Variants in EFCAB12 observed in about 807,000 individuals in gnomAD.
The protein encoded by EFCAB12 is EF-hand calcium binding domain 12.
In EFCAB12, 43 loss-of-function variants were observed where a neutral mutation model predicts 53.6. The observed-to-expected ratio is 0.80, with a 90% CI of 0.63 to 1.03. EFCAB12 has a LOEUF of 1.03. EFCAB12 is among the 50% of genes least tolerant of loss of function. The pLI is 0.00. For missense variants in EFCAB12, 646 were observed against 730.6 expected (o/e 0.88, Z 1.34); for synonymous variants, 269 against 289.2 (o/e 0.93, Z 0.71).
chr3:129,421,343 C>T, intron 2 of EFCAB12, 24 bp downstream of exon 2: 1 of 1,582,982 alleles, frequency 6.3e-7, no homozygotes, highest in Middle Eastern at 1.7e-4. Context: ...TTGGTGTCTT[C>T]ATCTGGCAAA....
At chr3:129,421,895 A>T (rs60414131) in intron 1 of EFCAB12, 92 bp from the exon 2 acceptor site, 257,361 of 1,289,764 alleles carry the variant, frequency 0.2, 32,836 homozygotes, top group African/African-American at 0.51. Flanking sequence ...AGGCTGGGCA[A>T]CAGGGCCCTG....
intron 2 of EFCAB12, among the ~76,000 whole-genome samples, chr3:129,420,748 T>C (rs1168952087): frequency 2.6e-5 from 4 of 152,232 alleles, no homozygotes; most frequent in Admixed American, 2.6e-4. Context: ...GATGGAGTCT[T>C]CTTTCCTTCT....
At chr3:129,415,141 G>T in intron 4 of EFCAB12, 104 bp downstream of exon 4, 1 of 1,377,410 alleles carries the variant, frequency 7.3e-7, no homozygotes, top group African/African-American at 1.5e-5. Context: ...CAAAACTGGG[G>T]AACACACTGA....
intron 4 of EFCAB12, chr3:129,412,894 A>G (rs1559787527): frequency 6.6e-6 from 1 of 152,272 alleles, no homozygotes; most frequent in Non-Finnish European, 1.5e-5. Flanking sequence ...GGCACATAGT[A>G]GTTGCTCAAC....
At chr3:129,423,330 T>C (rs891516989) in intron 1 of EFCAB12, among the ~76,000 whole-genome samples, 1 of 152,204 alleles carries the variant, frequency 6.6e-6, no homozygotes, top group Non-Finnish European at 1.5e-5. Flanking sequence ...GGAAGTGTTC[T>C]AAAAAATCAG....
intron 1 of EFCAB12, among the ~76,000 whole-genome samples, chr3:129,424,733 G>A (rs1472150568): frequency 2.0e-5 from 3 of 152,234 alleles, no homozygotes; most frequent in Non-Finnish European, 4.4e-5. Flanking sequence ...TGAGAATGTA[G>A]TCATTCATCA....
At position 129,408,642 on chromosome 3, in the gene EFCAB12, T is replaced by TA; in HGVS notation, c.1249+2dup. 1 of 1,563,348 alleles carries TA rather than the reference T, an allele frequency of 6.4e-7. No homozygotes were observed. On this transcript the variant is annotated splice_region_variant and intron_variant, in intron 6 of 8. Transcript: ENST00000505956. ...TCCTAGGGCCAGCTACCGAGGCCCT[T>TA]ACCTTTCATGAGGATGTCCTCTGTC...
rs758388077 is a variant in EFCAB12 at position 129,421,655 on chromosome 3, C to G, written c.198G>C (p.Glu66Asp). Residue 66 changes from glutamate to aspartate, a missense_variant, in exon 2 of 9, where the codon GAG (glutamate) becomes GAC (aspartate). Transcript: ENST00000505956. Reference sequence around the variant, plus strand: ...ATGCAGGATTAAGGGGTGTCTGATCCTCCTTGCGAGGCACCATGATGATTC... The same window carrying G: ...ATGCAGGATTAAGGGGTGTCTGATCGTCCTTGCGAGGCACCATGATGATTC... ...RRRIIMVPRK[E>D]DQTPLNPASQ... is the part of the protein sequence containing the mutation. 1 of 1,613,970 alleles carries G rather than the reference C, an allele frequency of 6.2e-7. No individual in the cohort carries two copies. The highest frequency in any genetic ancestry group is 8.5e-7 in the Non-Finnish European group (1 of 1,179,892).
intron 3 of EFCAB12, among the ~76,000 whole-genome samples, chr3:129,415,625 C>T (rs12633039): frequency 0.064 from 9,757 of 152,264 alleles, 951 homozygotes; most frequent in East Asian, 0.44. Context: ...AGTTCCCCTT[C>T]TCTGCCTGAA....
In EFCAB12 at chr3:129,401,566, G is replaced by A; in HGVS notation, c.*27C>T. On this transcript the variant is annotated 3_prime_UTR_variant, in exon 9 of 9. Transcript: ENST00000505956. ...CTGCACTGGCCCCTGGCCCAGGAAG[G>A]CTGGGTCCGGCAACACCTGGCTAGC... 6.7e-7 allele frequency: 1 copy of A among 1,493,788 alleles called. No homozygotes were observed. The highest frequency in any genetic ancestry group is 9.0e-7 in the Non-Finnish European group (1 of 1,113,128). The allele number at this position is 1,493,788 out of a possible 1,614,324, so 92.5% of individuals were successfully genotyped here.
chr3:129,426,388 G>A (rs1203601526), intron 1 of EFCAB12, among the ~76,000 whole-genome samples: 11 of 118,966 alleles, frequency 9.2e-5, no homozygotes, highest in African/African-American at 3.2e-4. Context: ...TTTTTGAGAC[G>A]GACTCTTGCT....
At chr3:129,408,441 G>C (rs1019874498) in intron 6 of EFCAB12, among the ~76,000 whole-genome samples, 1 of 152,144 alleles carries the variant, frequency 6.6e-6, no homozygotes, top group Non-Finnish European at 1.5e-5. Context: ...TCCGGGTCTT[G>C]TGTTCTAGAA....
Position 129,421,494 on chromosome 3 carries a change from C to T in EFCAB12, c.359G>A (p.Gly120Asp). The T allele has an allele frequency of 1.2e-6, 2 of 1,614,026 alleles. No individual in the cohort carries two copies. The highest frequency in any genetic ancestry group is 2.2e-5 in the East Asian group (1 of 44,878). ...GTTCTCCAGCCACCTCTTTACATCA[C>T]CAAAGGACTCTAGCTCCTGCCGCAG... ...SKLRQELESF[G>D]DVKRWLENKP... The change falls in exon 2 of 9, where the codon GGT becomes GAT. Residue 120 changes from glycine (G) to aspartate (D), a missense_variant. Gly to Asp is a moderately conservative substitution (Grantham distance 94). Coordinates refer to ENST00000505956, the MANE Select transcript of EFCAB12 (RefSeq NM_207307.3).
chr3:129,420,083 TA>T (rs1331276138), intron 2 of EFCAB12, among the ~76,000 whole-genome samples: 1 of 152,216 alleles, frequency 6.6e-6, no homozygotes. Context: ...TCTTAGACAC[TA>T]TGCTGCTGGC....
chr3:129,420,380 A>G (rs1424266569), intron 2 of EFCAB12, among the ~76,000 whole-genome samples: 2 of 152,234 alleles, frequency 1.3e-5, no homozygotes, highest in East Asian at 1.9e-4. Flanking sequence ...GCTAGGAAGT[A>G]GCAGAGCTAT....
chr3:129,426,225 T>A lies in EFCAB12; in HGVS notation c.49+2215A>T, dbSNP rs540623313. Reference sequence around the variant, plus strand: ...TTCTCTTTTTAAATAATCCCTTCCATTCTCATGTTTCTATGACCTTCTGTA... The same window carrying A: ...TTCTCTTTTTAAATAATCCCTTCCAATCTCATGTTTCTATGACCTTCTGTA... On this transcript the variant is annotated intron_variant, in intron 1 of 8. Transcript: ENST00000505956. Among the ~76,000 whole-genome samples the A allele has an allele frequency of 3.8e-4, 58 of 152,240 alleles. 1 individual carries two copies. Among genetic ancestry groups the A allele is most frequent in the Admixed American group, 6.5e-4 (10 of 15,286 alleles).
intron 4 of EFCAB12, chr3:129,411,682 C>G (rs1378130993): frequency 5.3e-6 from 1 of 187,960 alleles, no homozygotes; most frequent in African/African-American, 2.4e-5. Context: ...CGCCAGTAAT[C>G]CCAGCACTTT....
At position 129,418,451 on chromosome 3, in the gene EFCAB12, G is replaced by A. The variant is rs1166274218; in HGVS notation, c.487-3C>T. The stretch of plus-strand genomic sequence containing the variant: ...CGGGAGAGCCTGGGGGCTTTCTTCT[G>A]GAAGAGGTGAGAGGGTAGGGCAGAG... On this transcript the variant is annotated splice_region_variant and splice_polypyrimidine_tract_variant and intron_variant, in intron 2 of 8. Transcript: ENST00000505956. 5 of 1,599,782 alleles carry A rather than the reference G, an allele frequency of 3.1e-6. No homozygotes were observed. Among genetic ancestry groups the A allele is most frequent in the East Asian group, 2.2e-5 (1 of 44,562 alleles).
At chr3:129,404,893 G>A (rs1425255933) in intron 6 of EFCAB12, among the ~76,000 whole-genome samples, 1 of 152,150 alleles carries the variant, frequency 6.6e-6, no homozygotes, top group African/African-American at 2.4e-5. Flanking sequence ...GCTCACTGCA[G>A]CCTCAACTTC....
Sources: gnomAD v4.1 joint callset for allele counts (sites outside exome capture counted in the v4.1 genomes callset) on GRCh38, gnomAD v4.1.1 for gene constraint, MANE v1.5 for transcripts, NCBI Gene and HGNC (gene_info 2026-07-23, HGNC 2026-07-21) for gene names.